Variants in EVA1A observed in about 807,000 individuals in gnomAD.
EVA1A encodes the protein protein eva-1 homolog A.
Under a neutral mutation model 9.8 loss-of-function variants are expected in EVA1A, and 7 were observed. The ratio of observed to expected loss-of-function variants is 0.71; its 90% CI spans 0.41 to 1.34. The LOEUF (loss-of-function observed/expected upper bound fraction) is 1.34. EVA1A is among the 40% of genes most tolerant of loss of function. EVA1A has a pLI of 0.01. For missense variants in EVA1A, 206 were observed against 205.9 expected, an observed-to-expected ratio of 1.00 and a Z score of 0.00; for synonymous variants, 90 against 85.6, an observed-to-expected ratio of 1.05 and a Z score of -0.28.
At chr2:75,505,122 C>T (rs867895874) in intron 3 of EVA1A, among the ~76,000 whole-genome samples, 3 of 152,148 alleles carry the variant, frequency 2.0e-5, no homozygotes, top group Non-Finnish European at 4.4e-5. Flanking sequence ...TAGAACTCAA[C>T]GGACTAGGCA....
In EVA1A at chr2:75,558,275, G is replaced by A. The variant is rs146660187; in HGVS notation, c.-192+2405C>T. ...TCATACTAGTCTGCAGAGAAGGTAC[G>A]CTATTTCTTCTTACCAAGAAGACTT... On this transcript the variant is annotated intron_variant, in intron 1 of 3. Transcript: ENST00000393913. 6.3e-3 allele frequency among the ~76,000 whole-genome samples: 960 copies of A among 152,284 alleles called. 11 individuals are homozygous for A. Among genetic ancestry groups the A allele is most frequent in the South Asian group, 0.029 (139 of 4,824 alleles).
chr2:75,520,100 G>C (rs1433024833), intron 2 of EVA1A, among the ~76,000 whole-genome samples: 1 of 152,016 alleles, frequency 6.6e-6, no homozygotes, highest in African/African-American at 2.4e-5. Context: ...CAAGCTGACA[G>C]TCACACACAT....
intron 1 of EVA1A, among the ~76,000 whole-genome samples, chr2:75,543,770 C>G (rs1360519861): frequency 6.6e-6 from 1 of 152,160 alleles, no homozygotes; most frequent in South Asian, 2.1e-4. Flanking sequence ...GAATTCAGCA[C>G]AGACAAACTG....
intron 1 of EVA1A, chr2:75,541,589 G>C (rs1281381299): frequency 6.6e-6 from 1 of 152,592 alleles, no homozygotes; most frequent in Non-Finnish European, 1.5e-5. Flanking sequence ...AGGAGGAGTG[G>C]AGGAGGAAGC....
chr2:75,518,188 G>A lies in EVA1A; in HGVS notation c.-48C>T. The A allele has an allele frequency of 6.2e-7, 1 of 1,603,760 alleles. No homozygotes were observed. The highest frequency in any genetic ancestry group is 8.5e-7 in the Non-Finnish European group (1 of 1,176,256). ...TGGAGGTGCTTGGCTGAATCAACGT[G>A]GCCACTCTCCTTCTTCTCTTCTGTT... On this transcript the variant is annotated 5_prime_UTR_variant, in exon 3 of 4. Coordinates refer to ENST00000393913, the MANE Select transcript of EVA1A (RefSeq NM_001135032.2).
intron 1 of EVA1A, among the ~76,000 whole-genome samples, chr2:75,535,640 G>C (rs759965948): frequency 2.0e-5 from 3 of 152,198 alleles, no homozygotes; most frequent in Non-Finnish European, 4.4e-5. Flanking sequence ...GCAGCAACTT[G>C]GATAGAACTG....
At chr2:75,526,546 T>C (rs899886298) in intron 1 of EVA1A, among the ~76,000 whole-genome samples, 1 of 152,154 alleles carries the variant, frequency 6.6e-6, no homozygotes, top group Non-Finnish European at 1.5e-5. Flanking sequence ...TTGCCTAAGA[T>C]CACCTAGCTA....
At position 75,493,491 on chromosome 2, in the gene EVA1A, C is replaced by A; in HGVS notation, c.204G>T (p.Gly68=). Residue 68 remains glycine, a synonymous_variant, in exon 4 of 4, where the codon GGG becomes GGT. Coordinates refer to ENST00000393913, the MANE Select transcript of EVA1A (RefSeq NM_001135032.2). ...SCHTDCRRRP[G]KKFLQDRESS... ...TCTCTCTGTCCTGCAGGAACTTCTTCCCGGGACGCCGCCTGCAGTCTGTGT... is the reference window on the plus strand; with the variant it reads ...TCTCTCTGTCCTGCAGGAACTTCTTACCGGGACGCCGCCTGCAGTCTGTGT... The A allele has an allele frequency of 1.2e-6, 2 of 1,614,248 alleles. No homozygotes were observed. The highest frequency in any genetic ancestry group is 1.7e-6 in the Non-Finnish European group (2 of 1,180,048).
upstream of EVA1A, among the ~76,000 whole-genome samples, chr2:75,563,926 T>C (rs1456986965): frequency 6.6e-6 from 1 of 152,228 alleles, no homozygotes; most frequent in Non-Finnish European, 1.5e-5. Context: ...TAAGAGAAAC[T>C]GAACACTGGG....
intron 3 of EVA1A, among the ~76,000 whole-genome samples, chr2:75,513,503 C>A (rs1174358795): frequency 2.0e-5 from 3 of 152,078 alleles, no homozygotes; most frequent in Non-Finnish European, 4.4e-5. Context: ...TAAGTGAGAT[C>A]ATACAGTATT....
chr2:75,546,502 G>A (rs2103955357), intron 1 of EVA1A, among the ~76,000 whole-genome samples: 1 of 152,224 alleles, frequency 6.6e-6, no homozygotes, highest in Middle Eastern at 3.4e-3. Flanking sequence ...AGTAATAAAA[G>A]CATATGTAAA....
chr2:75,530,378 G>A (rs1449581067), intron 1 of EVA1A, among the ~76,000 whole-genome samples: 4 of 152,108 alleles, frequency 2.6e-5, no homozygotes, highest in African/African-American at 7.2e-5. Flanking sequence ...TAGAGAAAGA[G>A]AGAATCCTTT....
intron 1 of EVA1A, among the ~76,000 whole-genome samples, chr2:75,553,962 C>T (rs1025591566): frequency 2.0e-5 from 3 of 152,194 alleles, no homozygotes; most frequent in African/African-American, 7.2e-5. Flanking sequence ...AAGTGGCACT[C>T]AGGATGGGGG....
At chr2:75,539,315 T>G (rs1012365229) in intron 1 of EVA1A, among the ~76,000 whole-genome samples, 5 of 152,208 alleles carry the variant, frequency 3.3e-5, no homozygotes, top group Non-Finnish European at 5.9e-5. Flanking sequence ...AAACTTGGTA[T>G]GATGCCAGTA....
chr2:75,551,071 C>G (rs1456548802), intron 1 of EVA1A, among the ~76,000 whole-genome samples: 2 of 152,070 alleles, frequency 1.3e-5, no homozygotes, highest in East Asian at 3.9e-4. Flanking sequence ...TGCAGTGAGC[C>G]AAGATCGCAC....
At chr2:75,499,943 C>T (rs951289283) in intron 3 of EVA1A, among the ~76,000 whole-genome samples, 4 of 152,190 alleles carry the variant, frequency 2.6e-5, no homozygotes, top group African/African-American at 9.7e-5. Flanking sequence ...ATTTCTAGAC[C>T]TTACACAGCC....
chr2:75,500,629 A>G (rs1674380651), intron 3 of EVA1A, among the ~76,000 whole-genome samples: 1 of 152,124 alleles, frequency 6.6e-6, no homozygotes, highest in African/African-American at 2.4e-5. Flanking sequence ...TTCCAACTTC[A>G]TACAGAATGT....
At chr2:75,555,301 A>ATCTCTCTCTCTC (rs58092436) in intron 1 of EVA1A, among the ~76,000 whole-genome samples, 852 of 57,122 alleles carry the variant, frequency 0.015, 59 homozygotes, top group African/African-American at 0.029. Flanking sequence ...TCAAAACTCA[A>ATCTCTCTCTCTC]TCTCTCTCTC....
chr2:75,553,906 T>C (rs1290553993), intron 1 of EVA1A, among the ~76,000 whole-genome samples: 1 of 152,166 alleles, frequency 6.6e-6, no homozygotes, highest in Non-Finnish European at 1.5e-5. Flanking sequence ...CATAGCGACA[T>C]CTCAGTGCAG....
Sources: allele counts gnomAD v4.1 joint callset (sites outside exome capture counted in the v4.1 genomes callset), GRCh38; gene constraint gnomAD v4.1.1; transcripts MANE v1.5; gene names NCBI Gene and HGNC (gene_info 2026-07-23, HGNC 2026-07-21).